Variants in CPS1 observed in about 807,000 individuals in gnomAD.
CPS1 encodes the protein carbamoyl-phosphate synthase [ammonia], mitochondrial.
In CPS1, 109 loss-of-function variants were observed where a neutral mutation model predicts 174.6. The observed-to-expected ratio is 0.62, with a 90% CI of 0.53 to 0.73. The LOEUF is 0.73. CPS1 is among the 30% of genes least tolerant of loss of function. CPS1 has a pLI of 0.00. For synonymous variants in CPS1, 637 were observed against 632.0 expected (o/e 1.01, Z -0.12); for missense variants, 1,689 against 1,821.9 (o/e 0.93, Z 1.33).
At chr2:210,548,393 TAATC>T (rs2106022730) in intron 1 of CPS1, among the ~76,000 whole-genome samples, 1 of 152,194 alleles carries the variant, frequency 6.6e-6, no homozygotes, top group Non-Finnish European at 1.5e-5. Context: ...TCTTTTGAAA[TAATC>T]AATTACCTAA....
intron 21 of CPS1, among the ~76,000 whole-genome samples, chr2:210,627,780 G>A (rs1699739592): frequency 6.6e-6 from 1 of 152,178 alleles, no homozygotes; most frequent in Non-Finnish European, 1.5e-5. Context: ...GAGCTGAGGT[G>A]CTGGGCCAAA....
At chr2:210,634,384 C>T (rs998904442) in intron 21 of CPS1, among the ~76,000 whole-genome samples, 3 of 152,170 alleles carry the variant, frequency 2.0e-5, no homozygotes, top group Admixed American at 6.5e-5. Flanking sequence ...GAGCCGAGAT[C>T]TTGCTACTGC....
At chr2:210,674,725 T>C (rs1701462821) in intron 34 of CPS1, 177 bp from the exon 35 acceptor site, 1 of 636,092 alleles carries the variant, frequency 1.6e-6, no homozygotes, top group Admixed American at 2.3e-5. Context: ...GACATTGGGA[T>C]ATAGCTAAAA....
Position 210,642,639 on chromosome 2 carries a change from A to C in CPS1, c.3115A>C (p.Arg1039=), listed in dbSNP as rs771764083. The C allele has an allele frequency of 6.2e-7, 1 of 1,614,132 alleles. No homozygotes were observed. Among genetic ancestry groups the C allele is most frequent in the South Asian group, 1.1e-5 (1 of 91,078 alleles). ...GTACTTTGAAGAGTTGTCCTTGGAGAGAATCCTAGACATCTACCATCAGGA... is the reference window on the plus strand; with the variant it reads ...GTACTTTGAAGAGTTGTCCTTGGAGCGAATCCTAGACATCTACCATCAGGA... ...KLYFEELSLE[R]ILDIYHQEAC... Residue 1039 remains arginine (R), a synonymous_variant, in exon 25 of 38, where the codon AGA becomes CGA. Transcript: ENST00000233072.
At chr2:210,607,674 C>G (rs546533508) in intron 18 of CPS1, among the ~76,000 whole-genome samples, 1 of 151,932 alleles carries the variant, frequency 6.6e-6, no homozygotes, top group African/African-American at 2.4e-5. Context: ...TTCTGTTGAC[C>G]GTGTGATTTT....
intron 1 of CPS1, among the ~76,000 whole-genome samples, chr2:210,527,084 T>C (rs575790153): frequency 1.0e-3 from 152 of 152,064 alleles, no homozygotes; most frequent in Non-Finnish European, 1.9e-3. Context: ...CTTGATATTT[T>C]TAAGTTATTC....
At chr2:210,565,874 C>T (rs1184157464) in intron 1 of CPS1, among the ~76,000 whole-genome samples, 1 of 152,190 alleles carries the variant, frequency 6.6e-6, no homozygotes, top group Non-Finnish European at 1.5e-5. Context: ...GACTTAGGTT[C>T]TCTGTAAACA....
At position 210,616,498 on chromosome 2, in the gene CPS1, C is replaced by A. The variant is rs148519116; in HGVS notation, c.2644C>A (p.Arg882Ser). ...YIDKWFLYKMRDILNMEKTLK... is the reference protein window; with the variant it reads ...YIDKWFLYKMSDILNMEKTLK... ...TGACAAGTGGTTTTTGTATAAGATG[C>A]GTGATATTTTAAACATGGAAAAGAC... Residue 882 changes from arginine to serine, a missense_variant, in exon 21 of 38, where the codon CGT becomes AGT. Coordinates refer to ENST00000233072, the MANE Select transcript of CPS1 (RefSeq NM_001875.5). 1 of 1,611,446 alleles carries A rather than the reference C, an allele frequency of 6.2e-7. No homozygotes were observed. Among genetic ancestry groups the A allele is most frequent in the Non-Finnish European group, 8.5e-7 (1 of 1,178,138 alleles).
intron 20 of CPS1, 129 bp downstream of exon 20, chr2:210,612,422 TA>T (rs1699163495): frequency 2.3e-6 from 2 of 865,136 alleles, no homozygotes; most frequent in Non-Finnish European, 3.8e-6. Context: ...TTAATTCTTT[TA>T]TAGTATTAAA....
chr2:210,479,432 G>C (rs1694502141), intron 1 of CPS1, among the ~76,000 whole-genome samples: 1 of 151,062 alleles, frequency 6.6e-6, no homozygotes, highest in South Asian at 2.1e-4. Flanking sequence ...TGGTTCAAGC[G>C]ATTCTCCTGC....
chr2:210,524,316 A>G (rs1315233031), intron 1 of CPS1, among the ~76,000 whole-genome samples: 1 of 152,012 alleles, frequency 6.6e-6, no homozygotes, highest in Non-Finnish European at 1.5e-5. Context: ...TAGCTAGTGT[A>G]ACCAAAGGGC....
chr2:210,665,968 C>T (rs1057189819), intron 33 of CPS1, among the ~76,000 whole-genome samples: 1 of 147,184 alleles, frequency 6.8e-6, no homozygotes, highest in African/African-American at 2.5e-5. Context: ...CCTATTTCTC[C>T]ACATCCTCTC....
At chr2:210,478,713 C>T (rs1479912279) in intron 1 of CPS1, among the ~76,000 whole-genome samples, 1 of 152,090 alleles carries the variant, frequency 6.6e-6, no homozygotes, top group African/African-American at 2.4e-5. Context: ...CAATGACTTC[C>T]CACATTTTAT....
At chr2:210,504,495 A>C (rs1695227770) in intron 1 of CPS1, among the ~76,000 whole-genome samples, 1 of 152,300 alleles carries the variant, frequency 6.6e-6, no homozygotes, top group East Asian at 1.9e-4. Context: ...TTACAGATGA[A>C]GAAATTGAGT....
At chr2:210,478,054 C>A (rs1694452092) in intron 1 of CPS1, among the ~76,000 whole-genome samples, 1 of 152,174 alleles carries the variant, frequency 6.6e-6, no homozygotes, top group African/African-American at 2.4e-5. Flanking sequence ...AAATAATATT[C>A]TTGGAACATG....
intron 1 of CPS1, among the ~76,000 whole-genome samples, chr2:210,530,618 A>G (rs1351357476): frequency 6.6e-6 from 1 of 152,056 alleles, no homozygotes; most frequent in Non-Finnish European, 1.5e-5. Flanking sequence ...GCTGAGGCTG[A>G]GGAGGTTATT....
chr2:210,494,912 A>G (rs372054430), intron 1 of CPS1, among the ~76,000 whole-genome samples: 8 of 152,326 alleles, frequency 5.3e-5, no homozygotes, highest in African/African-American at 1.9e-4. Context: ...GCTTGACAAT[A>G]TAAGGCAATG....
chr2:210,673,701 A>G (rs966630655), intron 34 of CPS1: 1 of 152,224 alleles, frequency 6.6e-6, no homozygotes, highest in Non-Finnish European at 1.5e-5. Context: ...ATTAAGAACT[A>G]TTAATAGGCA....
intron 1 of CPS1, among the ~76,000 whole-genome samples, chr2:210,565,572 A>C (rs1336907335): frequency 6.6e-6 from 1 of 152,358 alleles, no homozygotes; most frequent in Admixed American, 6.5e-5. Flanking sequence ...AATAATGTTA[A>C]TAATTGCAGC....
Sources: gnomAD v4.1 joint callset for allele counts (sites outside exome capture counted in the v4.1 genomes callset) on GRCh38, gnomAD v4.1.1 for gene constraint, MANE v1.5 for transcripts, NCBI Gene and HGNC (gene_info 2026-07-23, HGNC 2026-07-21) for gene names.